The following AFAP1 variants were observed in gnomAD, a reference collection of about 807,000 sequenced individuals.
AFAP1 encodes actin filament associated protein 1, also known as actin filament-associated protein 1.
AFAP1 carries 75 observed loss-of-function variants against 93.9 expected under a neutral mutation model. The observed-to-expected ratio is 0.80, with a 90% CI of 0.66 to 0.97. The LOEUF is 0.97. Among genes scored for constraint, AFAP1 ranks in the 50% least tolerant of loss-of-function variants. The probability of loss-of-function intolerance (pLI) is 0.00; values close to 1 mark genes in which losing one functional copy is unlikely to be tolerated. For missense variants in AFAP1, 1,201 were observed against 1,050.8 expected (o/e 1.14, Z -1.98); for synonymous variants, 517 against 430.7 (o/e 1.20, Z -2.48).
chr4:7,778,651 A>G (rs1716407298), intron 14 of AFAP1, 111 bp downstream of exon 14: 1 of 1,034,156 alleles, frequency 9.7e-7, no homozygotes, highest in African/African-American at 1.6e-5. Context: ...CCACCGCTCC[A>G]TCTCTCCAGC....
Position 7,786,299 on chromosome 4 carries a change from C to T in AFAP1, c.1425G>A (p.Arg475=). 6.2e-7 allele frequency: 1 copy of T among 1,613,694 alleles called. No individual in the cohort carries two copies. Among genetic ancestry groups the T allele is most frequent in the Non-Finnish European group, 8.5e-7 (1 of 1,179,676 alleles). ...TAKQTFCFMN[R]RVISANPYLG... ...GATATGGGTTAGCAGATATAACACG[C>T]CTGTTCATGAAACTGAAAGAAAGGA... Residue 475 remains arginine (R), a synonymous_variant, in exon 12 of 18, where the codon AGG becomes AGA. Coordinates refer to ENST00000420658, the MANE Select transcript of AFAP1 (RefSeq NM_001134647.2).
chr4:7,889,578 A>G (rs1718327818), intron 1 of AFAP1, among the ~76,000 whole-genome samples: 1 of 150,786 alleles, frequency 6.6e-6, no homozygotes, highest in African/African-American at 2.4e-5. Flanking sequence ...AAAGGCATAC[A>G]TATAAAAACT....
At chr4:7,774,385 T>C (rs6824231) in intron 15 of AFAP1, 2 of 248,036 alleles carry the variant, frequency 8.1e-6, no homozygotes, top group Admixed American at 5.1e-5. Context: ...TGATCCCTCC[T>C]ACCCGGTGAC....
At chr4:7,934,032 G>A (rs58012905) in intron 1 of AFAP1, among the ~76,000 whole-genome samples, 32,877 of 152,160 alleles carry the variant, frequency 0.22, 4,697 homozygotes, top group East Asian at 0.74. Context: ...CATCTGACAA[G>A]CGTTTCCTGA....
At chr4:7,908,038 C>T (rs1260654382) in intron 1 of AFAP1, among the ~76,000 whole-genome samples, 2 of 152,050 alleles carry the variant, frequency 1.3e-5, no homozygotes, top group Non-Finnish European at 2.9e-5. Context: ...GCGGTGAAAC[C>T]CCGTCTTTAC....
At chr4:7,899,488 C>T (rs1486116786) in intron 1 of AFAP1, among the ~76,000 whole-genome samples, 4 of 152,150 alleles carry the variant, frequency 2.6e-5, no homozygotes, top group African/African-American at 9.7e-5. Context: ...TATCTTCCCT[C>T]GAGAAAGGCA....
chr4:7,897,431 A>C (rs1279289416), intron 1 of AFAP1, among the ~76,000 whole-genome samples: 4 of 152,182 alleles, frequency 2.6e-5, no homozygotes. Flanking sequence ...CCTTGATCAC[A>C]GAATCCGCTA....
At chr4:7,833,220 AGAGT>A (rs1347012819) in intron 6 of AFAP1, among the ~76,000 whole-genome samples, 1 of 152,236 alleles carries the variant, frequency 6.6e-6, no homozygotes, top group African/African-American at 2.4e-5. Context: ...GACAACCCAC[AGAGT>A]GAGAGAAAAC....
intron 15 of AFAP1, chr4:7,774,051 C>G (rs1715800890): frequency 6.6e-6 from 1 of 152,452 alleles, no homozygotes; most frequent in Non-Finnish European, 1.5e-5. Flanking sequence ...CTTCCGTAGT[C>G]TAAGCACCGG....
At chr4:7,932,737 G>A (rs1721146680) in intron 1 of AFAP1, among the ~76,000 whole-genome samples, 1 of 152,104 alleles carries the variant, frequency 6.6e-6, no homozygotes, top group Admixed American at 6.6e-5. Context: ...CATTTAAGAA[G>A]GATCTTCATG....
At chr4:7,787,202 G>A (rs34949259) in intron 11 of AFAP1, among the ~76,000 whole-genome samples, 31,202 of 152,252 alleles carry the variant, frequency 0.2, 4,160 homozygotes, top group Non-Finnish European at 0.3. Flanking sequence ...TGGGGTTCCC[G>A]GAGCTTCTGG....
intron 17 of AFAP1, among the ~76,000 whole-genome samples, chr4:7,764,494 A>G (rs1714276145): frequency 6.6e-6 from 1 of 152,256 alleles, no homozygotes; most frequent in Non-Finnish European, 1.5e-5. Flanking sequence ...GCTGTGCAAC[A>G]ATGGGAATGT....
intron 1 of AFAP1, among the ~76,000 whole-genome samples, chr4:7,877,777 T>C (rs565980888): frequency 2.0e-5 from 3 of 152,290 alleles, no homozygotes; most frequent in East Asian, 1.9e-4. Context: ...AAAAGAGCAA[T>C]AGTGTGACCA....
At chr4:7,792,916 G>C (rs904153545) in intron 11 of AFAP1, among the ~76,000 whole-genome samples, 1 of 152,208 alleles carries the variant, frequency 6.6e-6, no homozygotes, top group African/African-American at 2.4e-5. Flanking sequence ...ATACGGCGAA[G>C]GGCGACTATT....
intron 5 of AFAP1, among the ~76,000 whole-genome samples, chr4:7,840,572 A>C (rs1430244953): frequency 6.6e-6 from 1 of 152,284 alleles, no homozygotes; most frequent in East Asian, 1.9e-4. Context: ...TCAGCCTCCC[A>C]AAGTGCTGGG....
intron 17 of AFAP1, among the ~76,000 whole-genome samples, chr4:7,766,463 G>A (rs1714592206): frequency 6.6e-6 from 1 of 152,292 alleles, no homozygotes; most frequent in East Asian, 1.9e-4. Flanking sequence ...CCAAGCCTAG[G>A]TCACACTGGC....
intron 1 of AFAP1, among the ~76,000 whole-genome samples, chr4:7,914,510 G>A (rs1577355566): frequency 6.6e-6 from 1 of 152,250 alleles, no homozygotes; most frequent in East Asian, 1.9e-4. Flanking sequence ...ACTCCACTGT[G>A]TATAAAGACC....
At chr4:7,900,214 T>A (rs778264309) in intron 1 of AFAP1, among the ~76,000 whole-genome samples, 15 of 152,338 alleles carry the variant, frequency 9.8e-5, no homozygotes, top group Non-Finnish European at 1.8e-4. Context: ...AAGAAGGAAC[T>A]GTGACAGAGG....
At chr4:7,778,967 C>T (rs1363983518) in intron 13 of AFAP1, 91 bp from the exon 14 acceptor site, 8 of 994,426 alleles carry the variant, frequency 8.0e-6, no homozygotes, top group South Asian at 3.2e-5. Context: ...TTCTTTCAGT[C>T]TCTAAGTATT....
Sources: allele counts gnomAD v4.1 joint callset (sites outside exome capture counted in the v4.1 genomes callset), GRCh38; gene constraint gnomAD v4.1.1; transcripts MANE v1.5; gene names NCBI Gene and HGNC (gene_info 2026-07-23, HGNC 2026-07-21).